Variants in BTD observed in about 807,000 individuals in gnomAD.
BTD encodes the protein biotinidase, also known as biocytinase.
In BTD, 13 loss-of-function variants were observed where a neutral mutation model predicts 17.7. The ratio of observed to expected loss-of-function variants is 0.74; its 90% CI spans 0.48 to 1.17. The LOEUF is 1.17. BTD is among the 50% of genes most tolerant of loss of function. The pLI is 0.00. For missense variants in BTD, 674 were observed against 650.4 expected, an observed-to-expected ratio of 1.04 and a Z score of -0.39; for synonymous variants, 240 against 245.2, an observed-to-expected ratio of 0.98 and a Z score of 0.20.
At chr3:15,710,710 T>C (rs2072151606) in exon 4 of BTD, among the ~76,000 whole-genome samples, 1 of 152,214 alleles carries the variant, frequency 6.6e-6, no homozygotes, top group African/African-American at 2.4e-5. Context: ...GTTGCTCGTA[T>C]GAACCAACTG....
chr3:15,721,438 G>A (rs2073716385), intron 4 of BTD, among the ~76,000 whole-genome samples: 1 of 152,094 alleles, frequency 6.6e-6, no homozygotes, highest in African/African-American at 2.4e-5. Context: ...TTTTAAAGGC[G>A]TTCTAGGTAA....
chr3:15,608,372 C>A (rs2125342206), intron 1 of BTD, among the ~76,000 whole-genome samples: 1 of 152,252 alleles, frequency 6.6e-6, no homozygotes, highest in Non-Finnish European at 1.5e-5. Context: ...GCAGTCATTA[C>A]ATCACTGACG....
downstream of BTD, among the ~76,000 whole-genome samples, chr3:15,657,041 GCTC>G (rs1431206445): frequency 6.6e-6 from 1 of 152,196 alleles, no homozygotes; most frequent in Non-Finnish European, 1.5e-5. Flanking sequence ...CAGCTGGAAG[GCTC>G]CTCTGGGCCT....
chr3:15,638,318 C>G (rs2065410431), intron 2 of BTD, among the ~76,000 whole-genome samples: 1 of 152,156 alleles, frequency 6.6e-6, no homozygotes, highest in Admixed American at 6.5e-5. Context: ...ACCGGCAGAA[C>G]AGAAACAACT....
downstream of BTD, among the ~76,000 whole-genome samples, chr3:15,717,703 TAAA>T (rs2073233382): frequency 6.6e-6 from 1 of 152,134 alleles, no homozygotes; most frequent in Admixed American, 6.5e-5. Flanking sequence ...AATCTATTCT[TAAA>T]GAACAATGTG....
chr3:15,644,312 C>T lies in BTD; in HGVS notation c.400-4C>T, dbSNP rs372355662. 27 of 1,612,752 alleles carry T rather than the reference C, an allele frequency of 1.7e-5. No homozygotes were observed. The African/African-American group carries it at 3.1e-4, about 18-fold the overall frequency. The stretch of plus-strand genomic sequence containing the variant: ...TCATTTATTTACACCTTTTTTTCCT[C>T]TAGGTGCTCCAGCGCCTGAGTTGTA... On this transcript the variant is annotated splice_polypyrimidine_tract_variant and splice_region_variant and intron_variant, in intron 3 of 3. Coordinates refer to ENST00000643237, the MANE Select transcript of BTD (RefSeq NM_001370658.1).
intron 1 of BTD, among the ~76,000 whole-genome samples, chr3:15,603,254 A>G (rs1157569161): frequency 6.6e-6 from 1 of 152,176 alleles, no homozygotes; most frequent in Non-Finnish European, 1.5e-5. Flanking sequence ...ATGCCTTCCC[A>G]ACAGTCCCCC....
intron 3 of BTD, among the ~76,000 whole-genome samples, chr3:15,705,089 C>T (rs146376751): frequency 5.3e-5 from 8 of 152,210 alleles, no homozygotes; most frequent in East Asian, 1.9e-4. Context: ...TTGGGTCTTT[C>T]GGATCCCAAG....
intron 1 of BTD, among the ~76,000 whole-genome samples, chr3:15,624,198 T>A (rs2065017449): frequency 1.3e-5 from 2 of 152,196 alleles, no homozygotes; most frequent in African/African-American, 4.8e-5. Flanking sequence ...TAGATTTTTT[T>A]ATTTTTTATT....
intron 3 of BTD, among the ~76,000 whole-genome samples, chr3:15,702,637 T>C (rs2070779378): frequency 6.6e-6 from 1 of 152,220 alleles, no homozygotes; most frequent in Admixed American, 6.5e-5. Context: ...CTACCACTCA[T>C]GAACCCTACT....
intron 3 of BTD, among the ~76,000 whole-genome samples, chr3:15,643,791 G>C (rs2065603289): frequency 6.7e-6 from 1 of 150,110 alleles, no homozygotes; most frequent in African/African-American, 2.4e-5. Flanking sequence ...GTACAATGGT[G>C]CACACCTGTA....
At chr3:15,711,885 G>A (rs2072337654) in exon 4 of BTD, among the ~76,000 whole-genome samples, 1 of 151,060 alleles carries the variant, frequency 6.6e-6, no homozygotes, top group East Asian at 1.9e-4. Flanking sequence ...TAGTAGAGAT[G>A]GGCTTTCACC....
rs141240202 is a variant in BTD, at chr3:15,644,327, C to T, written c.411C>T (p.Arg137=). The T allele has an allele frequency of 6.2e-5, 100 of 1,613,728 alleles. No homozygotes were observed. In the African/African-American group the frequency reaches 1.3e-3, roughly 21 times the overall value. ...TTTTTTTCCTCTAGGTGCTCCAGCG[C>T]CTGAGTTGTATGGCCATCAGGGGAG... is the stretch of plus-strand genomic sequence containing the variant. ...HRFNDTEVLQ[R]LSCMAIRGDM... Residue 137 remains arginine (R), a synonymous_variant, in exon 4 of 4, where the codon CGC becomes CGT. Coordinates refer to ENST00000643237, the MANE Select transcript of BTD (RefSeq NM_001370658.1).
exon 4 of BTD, among the ~76,000 whole-genome samples, chr3:15,711,984 C>T (rs1200506938): frequency 6.6e-6 from 1 of 152,050 alleles, no homozygotes; most frequent in African/African-American, 2.4e-5. Context: ...GCATGAGCCA[C>T]CACGCCAGAC....
chr3:15,640,810 T>C (rs2065479162), intron 2 of BTD, among the ~76,000 whole-genome samples: 1 of 151,868 alleles, frequency 6.6e-6, no homozygotes, highest in African/African-American at 2.4e-5. Flanking sequence ...ATAACCAAAA[T>C]ATTAACAATA....
At chr3:15,617,877 T>C (rs945440662) in intron 1 of BTD, among the ~76,000 whole-genome samples, 2 of 152,334 alleles carry the variant, frequency 1.3e-5, no homozygotes, top group Admixed American at 1.3e-4. Context: ...TTGAAGTTGG[T>C]AGTGTGAGTT....
chr3:15,668,986 T>C (rs2066130637), intron 3 of BTD: 2 of 152,642 alleles, frequency 1.3e-5, no homozygotes, highest in Admixed American at 1.3e-4. Flanking sequence ...CACACAAATC[T>C]TTATTTAAAA....
chr3:15,655,391 C>G (rs916530725), downstream of BTD, among the ~76,000 whole-genome samples: 2 of 152,108 alleles, frequency 1.3e-5, no homozygotes, highest in African/African-American at 4.8e-5. Flanking sequence ...CAATTAATAC[C>G]ACAAAATGTG....
intron 3 of BTD, among the ~76,000 whole-genome samples, chr3:15,665,795 T>C (rs951358644): frequency 6.6e-6 from 1 of 152,238 alleles, no homozygotes; most frequent in African/African-American, 2.4e-5. Context: ...GCTTGCCTTC[T>C]TGTGCTTCTA....
Sources: gnomAD v4.1 joint callset for allele counts (sites outside exome capture counted in the v4.1 genomes callset) on GRCh38, gnomAD v4.1.1 for gene constraint, MANE v1.5 for transcripts, NCBI Gene and HGNC (gene_info 2026-07-23, HGNC 2026-07-21) for gene names.